Variants in PLAAT3 observed in about 807,000 individuals in gnomAD.
The protein encoded by PLAAT3 is phospholipase A and acyltransferase 3, also known as Ca-independent phospholipase A1/2.
A neutral mutation model predicts 16.7 loss-of-function variants in PLAAT3; 21 were observed. That is an observed-to-expected ratio of 1.26 (90% CI 0.89 to 1.81). PLAAT3 has a LOEUF of 1.81. Ranked by LOEUF, PLAAT3 falls within the 40% of genes most tolerant of loss-of-function variation. The probability of loss-of-function intolerance (pLI) is 0.00; values close to 1 mark genes in which losing one functional copy is unlikely to be tolerated. For missense variants in PLAAT3, 219 were observed against 213.7 expected (o/e 1.02, Z -0.16); for synonymous variants, 76 against 81.7 (o/e 0.93, Z 0.38).
chr11:63,589,310 A>G (rs778789392), intron 4 of PLAAT3, among the ~76,000 whole-genome samples: 3 of 151,576 alleles, frequency 2.0e-5, no homozygotes, highest in African/African-American at 4.9e-5. Context: ...AAAAGTGAAC[A>G]GCCTGATGGA....
intron 4 of PLAAT3, among the ~76,000 whole-genome samples, chr11:63,586,354 A>G (rs1590685764): frequency 6.6e-6 from 1 of 152,076 alleles, no homozygotes; most frequent in South Asian, 2.1e-4. Flanking sequence ...GGGTGGTCTC[A>G]AACTCCTCAC....
chr11:63,613,885 G>T, intron 2 of PLAAT3, 115 bp downstream of exon 2: 1 of 690,656 alleles, frequency 1.4e-6, no homozygotes. Flanking sequence ...AGAGGTGCGG[G>T]CCCCACATCC....
At chr11:63,594,446 G>A (rs901607961) in intron 3 of PLAAT3, among the ~76,000 whole-genome samples, 5 of 152,114 alleles carry the variant, frequency 3.3e-5, no homozygotes, top group African/African-American at 4.8e-5. Context: ...GCCAGGTGGA[G>A]AGCAGGAAGG....
intron 3 of PLAAT3, among the ~76,000 whole-genome samples, chr11:63,593,296 C>T (rs998463631): frequency 1.3e-5 from 2 of 152,250 alleles, no homozygotes; most frequent in Admixed American, 6.5e-5. Flanking sequence ...GCAGAGGCTG[C>T]TGTTGCTCAG....
chr11:63,590,495 C>G, intron 3 of PLAAT3, 127 bp from the exon 4 acceptor site: 1 of 738,418 alleles, frequency 1.4e-6, no homozygotes, highest in South Asian at 1.8e-5. Context: ...GTGGAAGGGT[C>G]AGACGCATGG....
intron 4 of PLAAT3, among the ~76,000 whole-genome samples, chr11:63,577,570 G>A (rs964094313): frequency 6.6e-6 from 1 of 151,936 alleles, no homozygotes; most frequent in African/African-American, 2.4e-5. Context: ...ATAGCAATCT[G>A]GAGAAACAGA....
At chr11:63,610,238 T>C (rs886518254) in intron 2 of PLAAT3, among the ~76,000 whole-genome samples, 2 of 152,216 alleles carry the variant, frequency 1.3e-5, no homozygotes, top group Admixed American at 6.5e-5. Context: ...CCTGGAAGAT[T>C]CCTACTCATC....
At chr11:63,585,629 C>A (rs919455952) in intron 4 of PLAAT3, among the ~76,000 whole-genome samples, 1 of 152,130 alleles carries the variant, frequency 6.6e-6, no homozygotes, top group Non-Finnish European at 1.5e-5. Context: ...TCTTTAGAAG[C>A]AGTAGAGATG....
chr11:63,601,827 A>T (rs1938438531), intron 2 of PLAAT3, among the ~76,000 whole-genome samples: 1 of 152,144 alleles, frequency 6.6e-6, no homozygotes, highest in Non-Finnish European at 1.5e-5. Context: ...AATAAAAAAA[A>T]TTAGCCAGAC....
At chr11:63,611,999 G>A (rs981053470) in intron 2 of PLAAT3, among the ~76,000 whole-genome samples, 3 of 152,210 alleles carry the variant, frequency 2.0e-5, no homozygotes, top group East Asian at 1.9e-4. Context: ...TTAGCCAGGC[G>A]CGGTGGCGCA....
At chr11:63,615,068 G>GTGTATATGTGTA (rs1207959629), upstream of PLAAT3, among the ~76,000 whole-genome samples, 8,901 of 29,706 alleles carry the variant, frequency 0.3, 3,807 homozygotes, top group Non-Finnish European at 0.62. Context: ...ATATATGTGT[G>GTGTATATGTGTA]TATATATGTG....
At chr11:63,600,587 T>TTTTG (rs1555045454) in intron 2 of PLAAT3, among the ~76,000 whole-genome samples, 3 of 148,320 alleles carry the variant, frequency 2.0e-5, no homozygotes, top group Non-Finnish European at 3.0e-5. Context: ...TTTTTTGTTT[T>TTTTG]TTTTGTTTTG....
upstream of PLAAT3, among the ~76,000 whole-genome samples, chr11:63,615,390 G>A (rs868221045): frequency 1.5e-4 from 6 of 40,036 alleles, 2 homozygotes; most frequent in East Asian, 6.9e-3. Flanking sequence ...ATATATATGT[G>A]TATATATGTG....
chr11:63,581,905 T>C (rs922924406), intron 4 of PLAAT3, among the ~76,000 whole-genome samples: 10 of 152,208 alleles, frequency 6.6e-5, no homozygotes, highest in African/African-American at 2.4e-4. Flanking sequence ...CAGTAACCTC[T>C]AGAAGTTGGA....
chr11:63,576,350 G>A (rs1336244919), intron 4 of PLAAT3, among the ~76,000 whole-genome samples: 2 of 152,180 alleles, frequency 1.3e-5, no homozygotes, highest in Non-Finnish European at 2.9e-5. Context: ...TCAGCTGGGT[G>A]TGGTGGCTTA....
chr11:63,591,940 G>A (rs1035990697), intron 3 of PLAAT3, among the ~76,000 whole-genome samples: 1 of 152,152 alleles, frequency 6.6e-6, no homozygotes, highest in African/African-American at 2.4e-5. Context: ...CAAGTGCAGA[G>A]TCAACAACCA....
intron 3 of PLAAT3, among the ~76,000 whole-genome samples, chr11:63,597,349 C>G (rs1373855939): frequency 1.3e-5 from 2 of 151,888 alleles, no homozygotes; most frequent in African/African-American, 4.8e-5. Context: ...ACGGTGAAAC[C>G]CCGTCTCTAC....
chr11:63,589,097 T>C (rs575175606), intron 4 of PLAAT3, among the ~76,000 whole-genome samples: 1 of 152,098 alleles, frequency 6.6e-6, no homozygotes, highest in East Asian at 1.9e-4. Flanking sequence ...TCTTATTTAA[T>C]TCACAAGGTA....
chr11:63,607,383 G>C (rs1037057023), intron 2 of PLAAT3, among the ~76,000 whole-genome samples: 1 of 152,164 alleles, frequency 6.6e-6, no homozygotes, highest in Non-Finnish European at 1.5e-5. Flanking sequence ...TGAGAGAATG[G>C]GGACACAGTG....
Sources: allele counts gnomAD v4.1 joint callset (sites outside exome capture counted in the v4.1 genomes callset), GRCh38; gene constraint gnomAD v4.1.1; transcripts MANE v1.5; gene names NCBI Gene and HGNC (gene_info 2026-07-23, HGNC 2026-07-21).